The following SLC47A2 variants were observed in gnomAD, a reference collection of about 807,000 sequenced individuals.
SLC47A2 encodes the protein solute carrier family 47 member 2.
SLC47A2 carries 52 observed loss-of-function variants against 67.7 expected under a neutral mutation model. The observed-to-expected ratio is 0.77, with a 90% CI of 0.61 to 0.97. SLC47A2 has a LOEUF of 0.97. Among genes scored for constraint, SLC47A2 ranks in the 50% least tolerant of loss-of-function variants. SLC47A2 has a pLI of 0.00. For missense variants in SLC47A2, 676 were observed against 712.3 expected, an observed-to-expected ratio of 0.95 and a Z score of 0.58; for synonymous variants, 278 against 292.9, an observed-to-expected ratio of 0.95 and a Z score of 0.52.
rs2085312118 is a variant in SLC47A2, at chr17:19,681,444, G to T, written c.1315C>A (p.Leu439Met). ...GCAGTTGCCAGGAAGACACAGGCCA[G>T]CATGCCCAGCCAGAGGCCTGGAGGA... is the stretch of plus-strand genomic sequence containing the variant. ...MRIMGLWLGM[L>M]ACVFLATAAF... Residue 439 changes from leucine to methionine, a missense_variant, in exon 15 of 17, where the codon CTG (leucine) becomes ATG (methionine). Coordinates refer to ENST00000433844, the MANE Select transcript of SLC47A2 (RefSeq NM_001099646.3). The T allele has an allele frequency of 6.2e-7, 1 of 1,613,762 alleles. No homozygotes were observed.
At chr17:19,696,525 G>C (rs1427961618) in intron 13 of SLC47A2, among the ~76,000 whole-genome samples, 1 of 151,460 alleles carries the variant, frequency 6.6e-6, no homozygotes, top group Admixed American at 6.6e-5. Context: ...GACTTGAAGA[G>C]ACAGGGAAAA....
intron 16 of SLC47A2, among the ~76,000 whole-genome samples, chr17:19,679,235 C>G (rs911093079): frequency 2.0e-5 from 3 of 152,190 alleles, no homozygotes; most frequent in Non-Finnish European, 4.4e-5. Flanking sequence ...TCATGTCTTA[C>G]CGTATTCTCT....
intron 13 of SLC47A2, chr17:19,702,287 G>T (rs1002437187): frequency 1.7e-4 from 170 of 985,204 alleles, no homozygotes; most frequent in Non-Finnish European, 1.9e-4. Flanking sequence ...CCAGCCTGGG[G>T]CACAGGTCAA....
upstream of SLC47A2, chr17:19,717,801 A>T (rs1203879632): frequency 6.6e-6 from 1 of 152,006 alleles, no homozygotes; most frequent in Non-Finnish European, 1.5e-5. Flanking sequence ...TTCTTTTTTG[A>T]CACAGAATTC....
In SLC47A2 at chr17:19,702,602, T is replaced by TA. The variant is rs1267648163; in HGVS notation, c.1164+2dup. The TA allele has an allele frequency of 5.6e-6, 9 of 1,613,738 alleles. No homozygotes were observed. Among genetic ancestry groups the TA allele is most frequent in the East Asian group, 4.5e-5 (2 of 44,880 alleles). On this transcript the variant is annotated splice_region_variant and intron_variant, in intron 13 of 16. Coordinates refer to ENST00000433844, the MANE Select transcript of SLC47A2 (RefSeq NM_001099646.3). Reference sequence around the variant, plus strand: ...TCAGGCTTTGGATCAAAGTGGTACTTACACAGATGGCCTCAAACACGTGAA... The same window carrying TA: ...TCAGGCTTTGGATCAAAGTGGTACTTAACACAGATGGCCTCAAACACGTGAA...
At position 19,713,887 on chromosome 17, in the gene SLC47A2, C is replaced by T. The variant is rs780292800; in HGVS notation, c.381G>A (p.Trp127Ter). The T allele has an allele frequency of 6.2e-7, 1 of 1,613,850 alleles. No homozygotes were observed. Among genetic ancestry groups the T allele is most frequent in the Admixed American group, 1.7e-5 (1 of 60,028 alleles). Residue 127 changes from tryptophan to a stop codon, truncating the protein, a stop_gained, in exon 4 of 17, where the codon TGG becomes TGA. Coordinates refer to ENST00000433844, the MANE Select transcript of SLC47A2 (RefSeq NM_001099646.3). LOFTEE classifies it high-confidence loss of function. ...TGTGCTGGGTGTTGAGGAAGAGCGC[C>T]CAGCAAGGGAGGCAGCAGAGGAGCA... ...LVLLLCCLPC[W>*]ALFLNTQHIL...
chr17:19,695,668 A>G (rs1274876978), intron 13 of SLC47A2, among the ~76,000 whole-genome samples: 2 of 152,134 alleles, frequency 1.3e-5, no homozygotes, highest in Non-Finnish European at 2.9e-5. Context: ...AAGAACTCTT[A>G]TAACTAATAA....
intron 13 of SLC47A2, among the ~76,000 whole-genome samples, chr17:19,692,611 C>A (rs932952842): frequency 6.6e-6 from 1 of 152,108 alleles, no homozygotes; most frequent in Non-Finnish European, 1.5e-5. Flanking sequence ...AATATTTAAA[C>A]AAGAAATAAT....
At chr17:19,682,947 T>G (rs2085347852) in intron 13 of SLC47A2, among the ~76,000 whole-genome samples, 2 of 152,236 alleles carry the variant, frequency 1.3e-5, no homozygotes, top group African/African-American at 4.8e-5. Context: ...TTGGTCAGGA[T>G]TATTGGCCAA....
chr17:19,706,698 A>G lies in SLC47A2; in HGVS notation c.791T>C (p.Leu264Pro), dbSNP rs1167386700. 10 of 1,611,352 alleles carry G rather than the reference A, an allele frequency of 6.2e-6. No individual in the cohort carries two copies. Among genetic ancestry groups the G allele is most frequent in the Non-Finnish European group, 6.8e-6 (8 of 1,179,236 alleles). The change falls in exon 9 of 17, where the codon CTC (leucine) becomes CCC (proline). Residue 264 changes from leucine (L) to proline (P), a missense_variant. Physicochemically the swap from Leu to Pro is moderately conservative, Grantham distance 98. Transcript: ENST00000433844. ...PFFSLAVPSM[L>P]MICVEWWAYE... The stretch of plus-strand genomic sequence containing the variant: ...GGCCCACCACTCAACACAGATCATG[A>G]GCATGCTGGGGACAGCCAGGGAGAA...
At position 19,706,534 on chromosome 17, in the gene SLC47A2, T is replaced by C. The variant is rs1052776846; in HGVS notation, c.841+114A>G. 7.4e-6 allele frequency: 6 copies of C among 815,726 alleles called. No individual in the cohort carries two copies. In the East Asian group the frequency reaches 1.7e-4, roughly 24 times the overall value. 50.5% of individuals were successfully genotyped at this position (815,726 alleles called of 1,614,324 possible). A position where few individuals can be genotyped will look rare whatever the true frequency, so the allele number is the denominator to read the frequency against. On this transcript the variant is annotated intron_variant, in intron 9 of 16. Transcript: ENST00000433844. ...TGAAGCTGGAAGGGGGCTGGTGAGC[T>C]GCCATCCTGGGGAGGGGGCTTCTGG...
chr17:19,696,813 T>A (rs1048924120), intron 13 of SLC47A2, among the ~76,000 whole-genome samples: 1 of 152,192 alleles, frequency 6.6e-6, no homozygotes, highest in African/African-American at 2.4e-5. Context: ...GAACAGAAAT[T>A]TATTTGGCTC....
chr17:19,693,771 C>T (rs2085597520), intron 13 of SLC47A2, among the ~76,000 whole-genome samples: 1 of 152,104 alleles, frequency 6.6e-6, no homozygotes, highest in Non-Finnish European at 1.5e-5. Flanking sequence ...GCTCTCTAGC[C>T]TGGGCGACAG....
intron 1 of SLC47A2, chr17:19,716,115 C>G: frequency 3.1e-6 from 1 of 327,398 alleles, no homozygotes; most frequent in Non-Finnish European, 5.6e-6. Flanking sequence ...CTGCAGGCTT[C>G]ATGCATCTCT....
At chr17:19,701,764 T>C (rs1210798098) in intron 13 of SLC47A2, among the ~76,000 whole-genome samples, 1 of 152,154 alleles carries the variant, frequency 6.6e-6, no homozygotes, top group Non-Finnish European at 1.5e-5. Context: ...GAGGATCACT[T>C]GAGCCCAGGA....
At chr17:19,690,917 C>G (rs1597601106) in intron 13 of SLC47A2, among the ~76,000 whole-genome samples, 1 of 152,066 alleles carries the variant, frequency 6.6e-6, no homozygotes, top group East Asian at 1.9e-4. Context: ...GTCGGGAGTT[C>G]TAAACCAGCC....
intron 10 of SLC47A2, 117 bp from the exon 11 acceptor site, chr17:19,704,295 C>A (rs1024311677): frequency 3.8e-6 from 3 of 791,112 alleles, no homozygotes; most frequent in African/African-American, 3.5e-5. Context: ...CTCAGGCATG[C>A]AGTGTAAGAG....
intron 13 of SLC47A2, among the ~76,000 whole-genome samples, chr17:19,695,080 T>G (rs889272752): frequency 1.3e-5 from 2 of 152,098 alleles, no homozygotes; most frequent in African/African-American, 4.8e-5. Flanking sequence ...GAAATTGGAC[T>G]ACATTGAAAG....
chr17:19,701,167 C>CAAAAA (rs35086555), intron 13 of SLC47A2, among the ~76,000 whole-genome samples: 1 of 64,952 alleles, frequency 1.5e-5, no homozygotes, highest in Non-Finnish European at 3.3e-5. Flanking sequence ...GACTCTGTCT[C>CAAAAA]AAAAAAAAAA....
Sources: gnomAD v4.1 joint callset for allele counts (sites outside exome capture counted in the v4.1 genomes callset) on GRCh38, gnomAD v4.1.1 for gene constraint, MANE v1.5 for transcripts, NCBI Gene and HGNC (gene_info 2026-07-23, HGNC 2026-07-21) for gene names.